RASAL2: variants seen among roughly 807,000 people sequenced by gnomAD.
RASAL2 encodes the protein RAS protein activator like 2.
Under a neutral mutation model 128.9 loss-of-function variants are expected in RASAL2, and 58 were observed. The observed-to-expected ratio is 0.45, with a 90% CI of 0.36 to 0.56. The LOEUF (loss-of-function observed/expected upper bound fraction) is 0.56. Among genes scored for constraint, RASAL2 ranks in the 20% least tolerant of loss-of-function variants. The probability of loss-of-function intolerance (pLI) is 0.00; values close to 1 mark genes in which losing one functional copy is unlikely to be tolerated. For synonymous variants in RASAL2, 561 were observed against 580.8 expected (o/e 0.97, Z 0.49); for missense variants, 1,360 against 1,601.6 (o/e 0.85, Z 2.57).
chr1:178,253,114 A>C (rs1328474104), intron 1 of RASAL2, among the ~76,000 whole-genome samples: 8 of 152,078 alleles, frequency 5.3e-5, no homozygotes, highest in Non-Finnish European at 1.0e-4. Flanking sequence ...AATCTGTTTC[A>C]TGCCTCTCTC....
intron 5 of RASAL2, among the ~76,000 whole-genome samples, chr1:178,422,157 C>A: frequency 6.6e-6 from 1 of 151,808 alleles, no homozygotes; most frequent in East Asian, 1.9e-4. Flanking sequence ...ATTTTTTAAC[C>A]TTGCACTAAA....
chr1:178,463,007 G>GT (rs1277374343), intron 14 of RASAL2, among the ~76,000 whole-genome samples: 3 of 152,064 alleles, frequency 2.0e-5, no homozygotes, highest in Admixed American at 6.6e-5. Context: ...TCTGCAATCA[G>GT]TTTTTTAATC....
At chr1:178,172,443 G>T (rs887675402) in intron 1 of RASAL2, among the ~76,000 whole-genome samples, 1 of 151,924 alleles carries the variant, frequency 6.6e-6, no homozygotes, top group Non-Finnish European at 1.5e-5. Context: ...TGTTTAACAG[G>T]TTTTTCATTT....
intron 1 of RASAL2, among the ~76,000 whole-genome samples, chr1:178,261,611 C>G (rs1348095697): frequency 6.6e-6 from 1 of 152,064 alleles, no homozygotes; most frequent in Non-Finnish European, 1.5e-5. Flanking sequence ...CACAGAGGAA[C>G]ATAACTGTAA....
chr1:178,154,139 T>A (rs1177207718), intron 1 of RASAL2, among the ~76,000 whole-genome samples: 5 of 147,834 alleles, frequency 3.4e-5, no homozygotes, highest in African/African-American at 1.3e-4. Context: ...CATGGCCTGA[T>A]TGATTTTTTT....
intron 1 of RASAL2, among the ~76,000 whole-genome samples, chr1:178,203,915 A>G (rs1165913034): frequency 6.6e-6 from 1 of 152,186 alleles, no homozygotes; most frequent in East Asian, 1.9e-4. Context: ...AAGACTACAA[A>G]TGGCCCAGAC....
intron 1 of RASAL2, among the ~76,000 whole-genome samples, chr1:178,270,542 G>T (rs554432648): frequency 4.7e-4 from 70 of 147,736 alleles, no homozygotes; most frequent in African/African-American, 1.6e-3. Flanking sequence ...ATTTTTTCTT[G>T]TATCTGTCTC....
At chr1:178,339,114 T>A (rs16852708) in intron 3 of RASAL2, among the ~76,000 whole-genome samples, 11 of 152,072 alleles carry the variant, frequency 7.2e-5, no homozygotes, top group African/African-American at 1.5e-4. Context: ...ATCTATTTTC[T>A]GATGCCAGCC....
chr1:178,146,161 G>T, intron 1 of RASAL2, among the ~76,000 whole-genome samples: 1 of 152,260 alleles, frequency 6.6e-6, no homozygotes, highest in Middle Eastern at 3.4e-3. Flanking sequence ...ATAAATTCCT[G>T]TTGGAAAAAA....
chr1:178,279,132 C>T (rs1050846161), intron 1 of RASAL2, among the ~76,000 whole-genome samples: 5 of 152,186 alleles, frequency 3.3e-5, no homozygotes, highest in African/African-American at 4.8e-5. Flanking sequence ...GCATTGAATA[C>T]TTCAAATAAG....
intron 1 of RASAL2, among the ~76,000 whole-genome samples, chr1:178,120,738 C>G (rs965887952): frequency 7.9e-5 from 12 of 152,248 alleles, no homozygotes; most frequent in Non-Finnish European, 1.2e-4. Flanking sequence ...GCATTACCAC[C>G]TCAGCTCCAC....
At chr1:178,413,826 C>T (rs1674572206) in intron 4 of RASAL2, among the ~76,000 whole-genome samples, 1 of 151,980 alleles carries the variant, frequency 6.6e-6, no homozygotes, top group South Asian at 2.1e-4. Flanking sequence ...TAAAAAAGAA[C>T]CAAAAGGGAA....
chr1:178,439,571 T>C lies in RASAL2; in HGVS notation c.824T>C (p.Phe275Ser), dbSNP rs1173601248. ...HSSILGQDFCFEVTYLSGSKC... is the reference protein window; with the variant it reads ...HSSILGQDFCSEVTYLSGSKC... The stretch of plus-strand genomic sequence containing the variant: ...AGCATCCTTGGACAAGACTTCTGCT[T>C]TGAGGTAAAAATAAAGTGTAGAAAA... The change falls in exon 6 of 18, where the codon TTT becomes TCT. Residue 275 changes from phenylalanine to serine, a missense_variant. Phe to Ser is a radical substitution (Grantham distance 155). Around this residue, in one of 3 missense-constraint regions of RASAL2, gnomAD observed 617 missense variants for 714.2 expected, o/e 0.86. Transcript: ENST00000367649. The C allele has an allele frequency of 6.2e-7, 1 of 1,607,752 alleles. No individual in the cohort carries two copies. Among genetic ancestry groups the C allele is most frequent in the Non-Finnish European group, 8.5e-7 (1 of 1,177,846 alleles).
In RASAL2 at chr1:178,442,729, G is replaced by A; in HGVS notation, c.982G>A (p.Asp328Asn). ...TCGTTTATGGATCATTGAAGCCAAG[G>A]ACCTTGCCCCTAAAAAGAAATATTT... The part of the protein sequence containing the change: ...VLRLWIIEAK[D>N]LAPKKKYFCE... The change falls in exon 8 of 18, where the codon GAC becomes AAC. Residue 328 changes from aspartate to asparagine, a missense_variant. Coordinates refer to ENST00000367649, the MANE Select transcript of RASAL2 (RefSeq NM_170692.4). 2 of 1,613,702 alleles carry A rather than the reference G, an allele frequency of 1.2e-6. No homozygotes were observed. Among genetic ancestry groups the A allele is most frequent in the Non-Finnish European group, 1.7e-6 (2 of 1,179,874 alleles).
chr1:178,237,987 GTTTATT>G (rs1196214737), intron 1 of RASAL2, among the ~76,000 whole-genome samples: 1 of 152,156 alleles, frequency 6.6e-6, no homozygotes, highest in African/African-American at 2.4e-5. Context: ...CTTTTGTACA[GTTTATT>G]TTTAGTATTT....
intron 1 of RASAL2, among the ~76,000 whole-genome samples, chr1:178,257,963 A>G (rs1161237623): frequency 6.6e-6 from 1 of 151,984 alleles, no homozygotes; most frequent in Non-Finnish European, 1.5e-5. Context: ...AAATAATTGG[A>G]CTTCATCAAT....
intron 3 of RASAL2, among the ~76,000 whole-genome samples, chr1:178,305,504 A>C (rs554344627): frequency 2.6e-5 from 4 of 152,298 alleles, no homozygotes; most frequent in African/African-American, 9.6e-5. Context: ...CCTACAGTGA[A>C]CTCAGAATTT....
At chr1:178,413,026 C>G (rs571136381) in intron 4 of RASAL2, among the ~76,000 whole-genome samples, 3 of 144,804 alleles carry the variant, frequency 2.1e-5, no homozygotes, top group Non-Finnish European at 4.5e-5. Flanking sequence ...TCTTTCTTTC[C>G]TTCCTTCCTT....
At chr1:178,112,985 T>C (rs1225953426) in intron 1 of RASAL2, among the ~76,000 whole-genome samples, 4 of 152,218 alleles carry the variant, frequency 2.6e-5, no homozygotes, top group Admixed American at 1.3e-4. Context: ...ATTTTTTTCA[T>C]TGAAAGTTTT....
Sources: allele counts gnomAD v4.1 joint callset (sites outside exome capture counted in the v4.1 genomes callset), GRCh38; gene constraint gnomAD v4.1.1; regional missense constraint gnomAD v4.1.1; transcripts MANE v1.5; gene names NCBI Gene and HGNC (gene_info 2026-07-23, HGNC 2026-07-21).